ARHGAP6: variants seen among roughly 807,000 people sequenced by gnomAD.
The protein encoded by ARHGAP6 is rho GTPase-activating protein 6.
Under a neutral mutation model 55.7 loss-of-function variants are expected in ARHGAP6, and 16 were observed. The ratio of observed to expected loss-of-function variants is 0.29; its 90% CI spans 0.19 to 0.44. ARHGAP6 has a LOEUF of 0.44. ARHGAP6 is among the 20% of genes least tolerant of loss of function. The pLI is 1.00. For synonymous variants in ARHGAP6, 382 were observed against 360.9 expected (o/e 1.06, Z -0.66); for missense variants, 698 against 808.9 (o/e 0.86, Z 1.66).
intron 1 of ARHGAP6, among the ~76,000 whole-genome samples, chrX:11,496,583 AG>A (rs1007680753): frequency 8.9e-6 from 1 of 111,984 alleles, no homozygotes; most frequent in Admixed American, 9.5e-5. Flanking sequence ...AGAAAAAAAA[AG>A]AATTATTGTG....
intron 1 of ARHGAP6, among the ~76,000 whole-genome samples, chrX:11,506,854 C>G (rs1054028369): frequency 2.7e-5 from 3 of 111,729 alleles, no homozygotes; most frequent in African/African-American, 9.8e-5. Context: ...ACAGTCCCAC[C>G]GACAGTGTGA....
chrX:11,345,712 G>A (rs1346086037), intron 1 of ARHGAP6, among the ~76,000 whole-genome samples: 1 of 111,891 alleles, frequency 8.9e-6, no homozygotes, highest in Non-Finnish European at 1.9e-5. Context: ...GGCAGGGCAC[G>A]TTAGCCTTTG....
chrX:11,569,243 C>T (rs774127594), intron 1 of ARHGAP6, among the ~76,000 whole-genome samples: 1 of 111,068 alleles, frequency 9.0e-6, no homozygotes, highest in Non-Finnish European at 1.9e-5. Context: ...AGAGATGCCA[C>T]TAAATATCCC....
intron 1 of ARHGAP6, among the ~76,000 whole-genome samples, chrX:11,331,586 A>C (rs1416326212): frequency 8.9e-6 from 1 of 111,914 alleles, no homozygotes; most frequent in Non-Finnish European, 1.9e-5. Context: ...GGTAAAAGAC[A>C]TGAGCCAACT....
At chrX:11,572,886 T>C (rs2051543551) in intron 1 of ARHGAP6, among the ~76,000 whole-genome samples, 1 of 111,991 alleles carries the variant, frequency 8.9e-6, no homozygotes, top group Non-Finnish European at 1.9e-5. Flanking sequence ...CCATTGTAAC[T>C]GGTGTGAGAT....
At chrX:11,437,384 T>C (rs185531142) in intron 1 of ARHGAP6, among the ~76,000 whole-genome samples, 3 of 112,898 alleles carry the variant, frequency 2.7e-5, no homozygotes, top group East Asian at 2.8e-4. Flanking sequence ...ATTCAATATT[T>C]CATTGCTGAC....
At chrX:11,549,966 T>C (rs1248991878) in intron 1 of ARHGAP6, among the ~76,000 whole-genome samples, 2 of 111,753 alleles carry the variant, frequency 1.8e-5, no homozygotes, top group Non-Finnish European at 3.8e-5. Context: ...AAATTTGAGG[T>C]GGAAATTACA....
chrX:11,432,980 C>T (rs2049954704), intron 1 of ARHGAP6, among the ~76,000 whole-genome samples: 1 of 112,504 alleles, frequency 8.9e-6, no homozygotes, highest in Non-Finnish European at 1.9e-5. Flanking sequence ...TTCTTCCCAC[C>T]CTCTTAACCC....
chrX:11,332,813 T>C (rs1402401601), intron 1 of ARHGAP6, among the ~76,000 whole-genome samples: 1 of 112,147 alleles, frequency 8.9e-6, no homozygotes, highest in Non-Finnish European at 1.9e-5. Flanking sequence ...TGTATGTGTG[T>C]GTATTTAGTT....
In ARHGAP6 at chrX:11,660,530, C is replaced by CAAAAAAAAAAAAA. The variant is rs56274949; in HGVS notation, c.588+3698_588+3710dup. ...CAACAGGGTGAGACTCTCTCTCTCT[C>CAAAAAAAAAAAAA]AAAAAAAAAAAAAAAAAAAAAAAAA... On this transcript the variant is annotated intron_variant, in intron 1 of 12. Coordinates refer to ENST00000337414, the MANE Select transcript of ARHGAP6 (RefSeq NM_013427.3). Among the ~76,000 whole-genome samples, 13 of 27,303 alleles carry CAAAAAAAAAAAAA rather than the reference C, an allele frequency of 4.8e-4. 4 individuals are homozygous for CAAAAAAAAAAAAA. Among genetic ancestry groups the CAAAAAAAAAAAAA allele is most frequent in the Non-Finnish European group, 9.4e-4 (13 of 13,790 alleles). 23.7% of individuals were successfully genotyped at this position (27,303 alleles called of 115,157 possible). A position where few individuals can be genotyped will look rare whatever the true frequency, so the allele number is the denominator to read the frequency against.
At chrX:11,216,466 G>A (rs1265965141) in intron 2 of ARHGAP6, among the ~76,000 whole-genome samples, 2 of 111,224 alleles carry the variant, frequency 1.8e-5, no homozygotes, top group South Asian at 3.8e-4. Flanking sequence ...CCAGCCTGGC[G>A]AAAATGGTGA....
chrX:11,372,109 T>G (rs1158354199), intron 1 of ARHGAP6, among the ~76,000 whole-genome samples: 1 of 112,371 alleles, frequency 8.9e-6, no homozygotes, highest in Middle Eastern at 4.2e-3. Context: ...ATTTTGCAGT[T>G]TATATCCAAG....
At chrX:11,435,611 G>A (rs1176632394) in intron 1 of ARHGAP6, among the ~76,000 whole-genome samples, 6 of 111,876 alleles carry the variant, frequency 5.4e-5, no homozygotes, top group East Asian at 2.8e-4. Context: ...TTGTTATCCC[G>A]TGCAACACAG....
At chrX:11,440,858 T>C (rs1035147464) in intron 1 of ARHGAP6, among the ~76,000 whole-genome samples, 1 of 112,206 alleles carries the variant, frequency 8.9e-6, no homozygotes, top group African/African-American at 3.2e-5. Flanking sequence ...AGGAATCAAT[T>C]ACAATGGCAA....
At chrX:11,242,255 A>G (rs933786474) in intron 2 of ARHGAP6, among the ~76,000 whole-genome samples, 6 of 112,267 alleles carry the variant, frequency 5.3e-5, no homozygotes, top group African/African-American at 1.9e-4. Context: ...CCGTCAAAAC[A>G]TGAGGTAGGG....
chrX:11,225,596 C>A, intron 2 of ARHGAP6: 1 of 284,204 alleles, frequency 3.5e-6, no homozygotes. Context: ...CCATTTAAAG[C>A]TAATGCAGAA....
rs756751416 is a variant in ARHGAP6 at position 11,440,725 on chromosome X, G to A, written c.589-186018C>T. On this transcript the variant is annotated intron_variant, in intron 1 of 12. Transcript: ENST00000337414. ...ACTCATTTTTTAACCCCAGAGCCTG[G>A]TCCCATATACAATAACCACTTGAGT... Among the ~76,000 whole-genome samples the A allele has an allele frequency of 2.7e-5, 3 of 111,782 alleles. No homozygotes were observed. The East Asian group carries it at 8.4e-4, about 31-fold the overall frequency.
chrX:11,423,380 T>A (rs772118594), intron 1 of ARHGAP6, among the ~76,000 whole-genome samples: 4 of 112,915 alleles, frequency 3.5e-5, no homozygotes, highest in African/African-American at 9.6e-5. Flanking sequence ...TTTCATAGTT[T>A]CCATTCTATG....
chrX:11,533,144 T>C, intron 1 of ARHGAP6, among the ~76,000 whole-genome samples: 1 of 111,101 alleles, frequency 9.0e-6, no homozygotes. Context: ...CATTTTTGTA[T>C]TCACAGCGTT....
Sources: gnomAD v4.1 joint callset for allele counts (sites outside exome capture counted in the v4.1 genomes callset) on GRCh38, gnomAD v4.1.1 for gene constraint, MANE v1.5 for transcripts, NCBI Gene and HGNC (gene_info 2026-07-23, HGNC 2026-07-21) for gene names.